MYO16: variants seen among roughly 807,000 people sequenced by gnomAD.
MYO16 encodes the protein unconventional myosin-XVI.
In MYO16, 94 loss-of-function variants were observed where a neutral mutation model predicts 205.3. The observed-to-expected ratio is 0.46, with a 90% CI of 0.39 to 0.54. The LOEUF (loss-of-function observed/expected upper bound fraction) is 0.54. Ranked by LOEUF, MYO16 falls within the 20% of genes least tolerant of loss-of-function variation. The probability of loss-of-function intolerance (pLI) is 0.00; values close to 1 mark genes in which losing one functional copy is unlikely to be tolerated. For missense variants in MYO16, 2,315 were observed against 2,387.5 expected, an observed-to-expected ratio of 0.97 and a Z score of 0.63; for synonymous variants, 988 against 954.0, an observed-to-expected ratio of 1.04 and a Z score of -0.66.
intron 11 of MYO16, among the ~76,000 whole-genome samples, chr13:108,856,035 A>G (rs1029087988): frequency 3.9e-5 from 6 of 152,220 alleles, no homozygotes; most frequent in Non-Finnish European, 8.8e-5. Flanking sequence ...TAAAGTAAAT[A>G]ATTTATACAC....
intron 16 of MYO16, among the ~76,000 whole-genome samples, chr13:108,916,321 G>A (rs1231929397): frequency 6.6e-6 from 1 of 152,190 alleles, no homozygotes; most frequent in Non-Finnish European, 1.5e-5. Context: ...GGCTGTGTCT[G>A]TATTGTATAG....
At chr13:108,910,926 A>T (rs1881226287) in intron 16 of MYO16, among the ~76,000 whole-genome samples, 1 of 152,026 alleles carries the variant, frequency 6.6e-6, no homozygotes. Context: ...ATACCTGCTG[A>T]TACCTGATTT....
chr13:108,757,583 C>G (rs1404301450), intron 4 of MYO16, among the ~76,000 whole-genome samples: 1 of 152,030 alleles, frequency 6.6e-6, no homozygotes, highest in African/African-American at 2.4e-5. Flanking sequence ...CACCCAGTAA[C>G]TCGTCATTTA....
intron 1 of MYO16, among the ~76,000 whole-genome samples, chr13:108,614,738 A>G (rs911176299): frequency 5.3e-5 from 8 of 152,080 alleles, no homozygotes; most frequent in African/African-American, 1.9e-4. Flanking sequence ...TATTCAACAA[A>G]TGTTGCTGAA....
chr13:108,840,031 A>G (rs1426985101), intron 9 of MYO16, among the ~76,000 whole-genome samples: 1 of 152,188 alleles, frequency 6.6e-6, no homozygotes, highest in Non-Finnish European at 1.5e-5. Context: ...TCCTTTTGCA[A>G]TTTGGTTTTG....
At chr13:109,078,775 A>G (rs1888194182) in intron 27 of MYO16, among the ~76,000 whole-genome samples, 1 of 152,170 alleles carries the variant, frequency 6.6e-6, no homozygotes, top group Non-Finnish European at 1.5e-5. Flanking sequence ...AGGGCCAATT[A>G]TATCTTAGTA....
At chr13:108,579,980 A>G in the MYO16 span, among the ~76,000 whole-genome samples, 1 of 152,214 alleles carries the variant, frequency 6.6e-6, no homozygotes, top group South Asian at 2.1e-4. Flanking sequence ...ATGATAATTT[A>G]TAGATCCAGG....
chr13:108,931,779 A>C (rs1882267005), intron 16 of MYO16, among the ~76,000 whole-genome samples: 1 of 152,214 alleles, frequency 6.6e-6, no homozygotes, highest in African/African-American at 2.4e-5. Context: ...GTTTTACCAC[A>C]GGAACCCCAG....
chr13:109,101,458 G>GCCA (rs1888965095), intron 28 of MYO16: 1 of 152,244 alleles, frequency 6.6e-6, no homozygotes, highest in South Asian at 2.1e-4. Context: ...CATTTGAATG[G>GCCA]TAGACCCTAG....
intron 16 of MYO16, among the ~76,000 whole-genome samples, chr13:108,952,470 G>T (rs1027689458): frequency 6.6e-6 from 1 of 152,156 alleles, no homozygotes. Flanking sequence ...CTTCTTTTGT[G>T]AATTGTTGTG....
intron 13 of MYO16, chr13:108,886,290 C>A: frequency 2.5e-6 from 1 of 399,112 alleles, no homozygotes; most frequent in South Asian, 1.8e-5. Context: ...CCCGGCCCTC[C>A]TTTGGGTCAT....
At chr13:108,969,169 G>A (rs1883914449) in intron 20 of MYO16, among the ~76,000 whole-genome samples, 1 of 152,152 alleles carries the variant, frequency 6.6e-6, no homozygotes, top group South Asian at 2.1e-4. Flanking sequence ...TAGGCATATG[G>A]AAGACCCATG....
At chr13:108,624,814 T>A (rs1879672757), upstream of MYO16, among the ~76,000 whole-genome samples, 1 of 152,000 alleles carries the variant, frequency 6.6e-6, no homozygotes, top group Non-Finnish European at 1.5e-5. Context: ...TGTGTGTGTG[T>A]GTGTGTGTGT....
chr13:108,602,740 G>A (rs571208357), intron 1 of MYO16, among the ~76,000 whole-genome samples: 1 of 152,268 alleles, frequency 6.6e-6, no homozygotes, highest in East Asian at 1.9e-4. Context: ...CCAGAAAATA[G>A]TTCCATATTT....
At chr13:108,677,617 TAA>T (rs1230175743) in intron 2 of MYO16, among the ~76,000 whole-genome samples, 4 of 151,942 alleles carry the variant, frequency 2.6e-5, no homozygotes, top group African/African-American at 9.7e-5. Context: ...TCTTTATAAT[TAA>T]AAAATTGTCT....
intron 32 of MYO16, among the ~76,000 whole-genome samples, chr13:109,146,077 C>G (rs1025408660): frequency 6.6e-6 from 1 of 152,150 alleles, no homozygotes; most frequent in African/African-American, 2.4e-5. Flanking sequence ...TAGTAGGTGG[C>G]TATTAAATAG....
rs755855336 is a variant in MYO16 at position 108,785,699 on chromosome 13, G to A, written c.572G>A (p.Gly191Glu). 4 of 1,613,546 alleles carry A rather than the reference G, an allele frequency of 2.5e-6. No individual in the cohort carries two copies. In the East Asian group the frequency reaches 6.7e-5, roughly 27 times the overall value. Residue 191 changes from glycine to glutamate, a missense_variant, in exon 5 of 35, where the codon GGG (glycine) becomes GAG (glutamate). Around this residue, in one of 3 missense-constraint regions of MYO16, gnomAD observed 1,213 missense variants for 1,274.4 expected, o/e 0.95. Coordinates refer to ENST00000457511, the MANE Select transcript of MYO16 (RefSeq NM_001198950.3). The part of the protein sequence containing the change: ...GNIPLDYAVE[G>E]TESSSILLTY... ...ATCCCATTAGATTATGCTGTAGAAG[G>A]GACAGAATCCAGCTCTATCCTGTTG...
chr13:108,923,395 T>A (rs547554098), intron 16 of MYO16, among the ~76,000 whole-genome samples: 1 of 152,216 alleles, frequency 6.6e-6, no homozygotes, highest in East Asian at 1.9e-4. Context: ...TTACTGACAC[T>A]AGGAGAGTTA....
chr13:108,675,601 A>G (rs1361246541), intron 2 of MYO16, among the ~76,000 whole-genome samples: 3 of 152,212 alleles, frequency 2.0e-5, no homozygotes, highest in Admixed American at 6.5e-5. Flanking sequence ...AAGATGCACC[A>G]TTCATTAAAA....
Sources: allele counts gnomAD v4.1 joint callset (sites outside exome capture counted in the v4.1 genomes callset), GRCh38; gene constraint gnomAD v4.1.1; regional missense constraint gnomAD v4.1.1; transcripts MANE v1.5; gene names NCBI Gene and HGNC (gene_info 2026-07-23, HGNC 2026-07-21).